CCDC85C: variants seen among roughly 807,000 people sequenced by gnomAD.
CCDC85C encodes the protein coiled-coil domain containing 85C.
CCDC85C carries 18 observed loss-of-function variants against 38.3 expected under a neutral mutation model. The ratio of observed to expected loss-of-function variants is 0.47; its 90% CI spans 0.33 to 0.70. The LOEUF is 0.70. CCDC85C is among the 30% of genes least tolerant of loss of function. The pLI, the probability that CCDC85C is intolerant of heterozygous loss-of-function variation, is 0.03. For synonymous variants in CCDC85C, 264 were observed against 293.8 expected (o/e 0.90, Z 1.04); for missense variants, 566 against 621.2 (o/e 0.91, Z 0.94).
At chr14:99,587,732 A>AC (rs2055042231) in intron 1 of CCDC85C, among the ~76,000 whole-genome samples, 1 of 151,866 alleles carries the variant, frequency 6.6e-6, no homozygotes, top group Non-Finnish European at 1.5e-5. Context: ...CTGGAGCAGA[A>AC]CCCCCGTACA....
intron 1 of CCDC85C, among the ~76,000 whole-genome samples, chr14:99,570,589 G>A (rs1898317721): frequency 6.6e-6 from 1 of 152,140 alleles, no homozygotes; most frequent in African/African-American, 2.4e-5. Flanking sequence ...GGGAGGGTGT[G>A]GGGCCAGGGA....
intron 1 of CCDC85C, among the ~76,000 whole-genome samples, chr14:99,571,935 T>C (rs1898354239): frequency 1.3e-5 from 2 of 152,048 alleles, no homozygotes; most frequent in African/African-American, 4.8e-5. Flanking sequence ...TCCTGCCTCA[T>C]TGAGCTAGGC....
In CCDC85C at chr14:99,535,336, G is replaced by T. The variant is rs557356995; in HGVS notation, c.867+679C>A. Among the ~76,000 whole-genome samples the T allele has an allele frequency of 3.3e-5, 5 of 152,254 alleles. No individual in the cohort carries two copies. In the East Asian group the frequency reaches 9.7e-4, roughly 29 times the overall value. On this transcript the variant is annotated intron_variant, in intron 2 of 5. Coordinates refer to ENST00000380243, the MANE Select transcript of CCDC85C (RefSeq NM_001144995.2). The surrounding 1 kb of genome is among the most constrained non-coding windows in gnomAD (Gnocchi z 5.5). The stretch of plus-strand genomic sequence containing the variant: ...GGGGGAGCGAGCGGCTTGAGAGGTC[G>T]CCAAGCCAGCTGGCCCCCAACACCC...
chr14:99,501,205 GACCCACATC>G lies in CCDC85C; in HGVS notation c.*14032_*14040del, dbSNP rs1216867853. 4 of 644,388 alleles carry G rather than the reference GACCCACATC, an allele frequency of 6.2e-6. No homozygotes were observed. The highest frequency in any genetic ancestry group is 1.1e-5 in the Non-Finnish European group (4 of 360,428). 39.9% of individuals were successfully genotyped at this position (644,388 alleles called of 1,614,324 possible). ...GAGGAGGAAGAAGGGGTAGGATGTGGACCCACATCATTCATCCTTGTTTCCCACGCAAAA... is the reference window on the plus strand; with the variant it reads ...GAGGAGGAAGAAGGGGTAGGATGTGGATTCATCCTTGTTTCCCACGCAAAA... On this transcript the variant is annotated 3_prime_UTR_variant, in exon 6 of 6. Coordinates refer to ENST00000380243, the MANE Select transcript of CCDC85C (RefSeq NM_001144995.2).
At chr14:99,589,062 C>CA (rs34409860) in intron 1 of CCDC85C, among the ~76,000 whole-genome samples, 65,598 of 151,622 alleles carry the variant, frequency 0.43, 14,976 homozygotes, top group African/African-American at 0.6. Context: ...CTCATATAAA[C>CA]AAAAACAGCT....
chr14:99,603,427 C>T lies in CCDC85C; in HGVS notation c.533G>A (p.Ser178Asn). The T allele has an allele frequency of 7.9e-7, 1 of 1,269,154 alleles. No individual in the cohort carries two copies. The highest frequency in any genetic ancestry group is 9.9e-7 in the Non-Finnish European group (1 of 1,011,186). 78.6% of individuals were successfully genotyped at this position (1,269,154 alleles called of 1,614,324 possible). ...GGGGGGAGSRSSIDSQASLSG... is the reference protein window; with the variant it reads ...GGGGGGAGSRNSIDSQASLSG... Reference sequence around the variant, plus strand: ...CAGGCTGGCCTGGCTGTCGATGGAGCTGCGGGAGCCGGCGCCGCCCCCGCC... The same window carrying T: ...CAGGCTGGCCTGGCTGTCGATGGAGTTGCGGGAGCCGGCGCCGCCCCCGCC... Residue 178 changes from serine to asparagine, a missense_variant, in exon 1 of 6, where the codon AGC (serine) becomes AAC (asparagine). Transcript: ENST00000380243. The surrounding 1 kb of genome is among the most constrained non-coding windows in gnomAD (Gnocchi z 7.5).
chr14:99,500,838 C>A lies in CCDC85C; in HGVS notation c.*14408G>T. 1 of 1,559,600 alleles carries A rather than the reference C, an allele frequency of 6.4e-7. No homozygotes were observed. The highest frequency in any genetic ancestry group is 8.7e-7 in the Non-Finnish European group (1 of 1,150,542). Reference sequence around the variant, plus strand: ...TGATTTACAGGTAGAACATCCATACCAGTTCCTACTAAAATATGCAAAGCA... The same window carrying A: ...TGATTTACAGGTAGAACATCCATACAAGTTCCTACTAAAATATGCAAAGCA... On this transcript the variant is annotated 3_prime_UTR_variant, in exon 6 of 6. Transcript: ENST00000380243.
intron 1 of CCDC85C, among the ~76,000 whole-genome samples, chr14:99,567,348 G>A (rs1387993687): frequency 6.6e-6 from 1 of 152,210 alleles, no homozygotes; most frequent in African/African-American, 2.4e-5. Flanking sequence ...GGGGTCACAG[G>A]AGGGACAGAA....
Position 99,505,306 on chromosome 14 carries a change from A to C in CCDC85C, c.*9940T>G, listed in dbSNP as rs1234841311. On this transcript the variant is annotated 3_prime_UTR_variant, in exon 6 of 6. Coordinates refer to ENST00000380243, the MANE Select transcript of CCDC85C (RefSeq NM_001144995.2). ...AGATCCGGAGGAAGCTTTATAGAGG[A>C]ACTCAGCTGCACTGTGCCATGCCGA... is the stretch of plus-strand genomic sequence containing the variant. 1.3e-5 allele frequency: 2 copies of C among 152,182 alleles called. No homozygotes were observed. Among genetic ancestry groups the C allele is most frequent in the African/African-American group, 4.8e-5 (2 of 41,420 alleles). The allele number at this position is 152,182 out of a possible 1,614,324, so 9.4% of individuals were successfully genotyped here.
intron 1 of CCDC85C, among the ~76,000 whole-genome samples, chr14:99,570,036 T>C (rs1221081011): frequency 6.6e-6 from 1 of 151,896 alleles, no homozygotes; most frequent in East Asian, 1.9e-4. Flanking sequence ...GACACGGACC[T>C]GTGGGGACAG....
chr14:99,589,332 C>T (rs1400770982), intron 1 of CCDC85C, among the ~76,000 whole-genome samples: 2 of 152,182 alleles, frequency 1.3e-5, no homozygotes, highest in African/African-American at 2.4e-5. Context: ...ACCCGCAGAA[C>T]GCTGTTGGAT....
At chr14:99,574,621 G>A (rs938648328) in intron 1 of CCDC85C, among the ~76,000 whole-genome samples, 2 of 152,214 alleles carry the variant, frequency 1.3e-5, no homozygotes, top group Admixed American at 6.5e-5. Context: ...GGGAATGCAG[G>A]GAGATAAGGG....
At chr14:99,534,951 G>A (rs1897565147) in intron 2 of CCDC85C, 1 of 551,974 alleles carries the variant, frequency 1.8e-6, no homozygotes. Flanking sequence ...TTCACAAGAG[G>A]CCAAATGAGG....
chr14:99,518,035 C>T (rs1897252551), intron 3 of CCDC85C, among the ~76,000 whole-genome samples: 2 of 152,178 alleles, frequency 1.3e-5, no homozygotes, highest in African/African-American at 4.8e-5. Context: ...CTCTGGCAAT[C>T]CTTGGGCCAA....
Position 99,503,459 on chromosome 14 carries a change from G to GT in CCDC85C, c.*11786dup. On this transcript the variant is annotated 3_prime_UTR_variant, in exon 6 of 6. Coordinates refer to ENST00000380243, the MANE Select transcript of CCDC85C (RefSeq NM_001144995.2). The stretch of plus-strand genomic sequence containing the variant: ...AAATGATGATCTGGTAGGTGCCGTG[G>GT]TTTGCCCTGAAAGTTCAGGCTAGAA... The GT allele has an allele frequency of 1.6e-6, 1 of 641,356 alleles. No individual in the cohort carries two copies. The highest frequency in any genetic ancestry group is 2.8e-6 in the Non-Finnish European group (1 of 361,610). 39.7% of individuals were successfully genotyped at this position (641,356 alleles called of 1,614,324 possible). A position where few individuals can be genotyped will look rare whatever the true frequency, so the allele number is the denominator to read the frequency against.
At chr14:99,555,961 G>A (rs1898002031) in intron 1 of CCDC85C, among the ~76,000 whole-genome samples, 1 of 152,198 alleles carries the variant, frequency 6.6e-6, no homozygotes, top group African/African-American at 2.4e-5. Context: ...TGAACCTAAT[G>A]ACACGGAAAC....
chr14:99,575,493 G>C (rs557998405), intron 1 of CCDC85C, among the ~76,000 whole-genome samples: 1 of 152,334 alleles, frequency 6.6e-6, no homozygotes, highest in Admixed American at 6.5e-5. Flanking sequence ...TCTCTCAAGA[G>C]CTCAAAGCAC....
intron 1 of CCDC85C, among the ~76,000 whole-genome samples, chr14:99,580,821 C>T (rs1044486851): frequency 3.9e-5 from 6 of 152,028 alleles, no homozygotes; most frequent in East Asian, 1.9e-4. Context: ...GCCAAGATCG[C>T]GCGACTGCAC....
chr14:99,524,337 G>A (rs1297462714), intron 2 of CCDC85C, among the ~76,000 whole-genome samples: 1 of 151,896 alleles, frequency 6.6e-6, no homozygotes, highest in Admixed American at 6.6e-5. Context: ...TTTGGACTCC[G>A]GCGTCCCTTC....
Sources: allele counts gnomAD v4.1 joint callset (sites outside exome capture counted in the v4.1 genomes callset), GRCh38; gene constraint gnomAD v4.1.1; non-coding constraint Gnocchi (gnomAD v3.1); transcripts MANE v1.5; gene names NCBI Gene and HGNC (gene_info 2026-07-23, HGNC 2026-07-21).